Variants in CTPS2 observed in about 807,000 individuals in gnomAD.
CTPS2 encodes CTP synthase II.
Under a neutral mutation model 46.8 loss-of-function variants are expected in CTPS2, and 19 were observed. That is an observed-to-expected ratio of 0.41 (90% CI 0.28 to 0.60). The LOEUF is 0.60. CTPS2 is among the 20% of genes least tolerant of loss of function. The probability of loss-of-function intolerance (pLI) is 0.35; values close to 1 mark genes in which losing one functional copy is unlikely to be tolerated. For synonymous variants in CTPS2, 151 were observed against 165.2 expected, an observed-to-expected ratio of 0.91 and a Z score of 0.66; for missense variants, 286 against 447.6, an observed-to-expected ratio of 0.64 and a Z score of 3.26.
At chrX:16,611,089 C>G (rs759858136) in intron 16 of CTPS2, among the ~76,000 whole-genome samples, 41 of 111,415 alleles carry the variant, frequency 3.7e-4, no homozygotes, top group Non-Finnish European at 3.8e-5. Context: ...GTTGGGTACT[C>G]TAGTCAGTAC....
intron 13 of CTPS2, among the ~76,000 whole-genome samples, chrX:16,642,378 C>T: frequency 9.0e-6 from 1 of 111,643 alleles, no homozygotes. Context: ...AAATGTTGCC[C>T]TGAACATCAG....
intron 8 of CTPS2, among the ~76,000 whole-genome samples, chrX:16,689,188 C>T (rs984354425): frequency 1.6e-4 from 18 of 112,174 alleles, no homozygotes; most frequent in Non-Finnish European, 3.0e-4. Context: ...CAGAATCCTT[C>T]CAGAGCTAAA....
chrX:16,621,595 ACGCAGATCC>A (rs1342462419), intron 14 of CTPS2, among the ~76,000 whole-genome samples: 1 of 109,956 alleles, frequency 9.1e-6, no homozygotes, highest in Non-Finnish European at 1.9e-5. Flanking sequence ...AGCCCTCAAA[ACGCAGATCC>A]CAGGTACACA....
chrX:16,694,006 A>C (rs6629172), intron 4 of CTPS2, among the ~76,000 whole-genome samples: 1 of 109,242 alleles, frequency 9.2e-6, no homozygotes, highest in Non-Finnish European at 1.9e-5. Flanking sequence ...TCTACTAAAA[A>C]TACAAAAATT....
At chrX:16,622,385 T>C (rs1369604850) in intron 14 of CTPS2, among the ~76,000 whole-genome samples, 1 of 105,059 alleles carries the variant, frequency 9.5e-6, no homozygotes, top group Non-Finnish European at 1.9e-5. Flanking sequence ...CTGCCAACCT[T>C]GGTGACAGAG....
At chrX:16,663,983 G>C (rs189934439) in intron 13 of CTPS2, among the ~76,000 whole-genome samples, 3,048 of 110,457 alleles carry the variant, frequency 0.028, 79 homozygotes, top group African/African-American at 0.084. Context: ...CTACAGGCGC[G>C]TGCCACCACG....
intron 10 of CTPS2, among the ~76,000 whole-genome samples, chrX:16,673,549 T>G (rs1413458857): frequency 9.1e-6 from 1 of 110,376 alleles, no homozygotes; most frequent in Non-Finnish European, 1.9e-5. Context: ...ATCTTCTTTC[T>G]GTCTGTGCAT....
intron 14 of CTPS2, among the ~76,000 whole-genome samples, chrX:16,636,748 C>T (rs1214841246): frequency 9.1e-6 from 1 of 109,969 alleles, no homozygotes; most frequent in Non-Finnish European, 1.9e-5. Flanking sequence ...CACGGTGAAA[C>T]CCCATCTCTA....
intron 17 of CTPS2, among the ~76,000 whole-genome samples, chrX:16,604,170 G>A (rs1164388165): frequency 9.0e-6 from 1 of 111,718 alleles, no homozygotes; most frequent in Admixed American, 9.5e-5. Context: ...TGATTTATCT[G>A]CACAAGAGAC....
At chrX:16,697,996 A>G (rs1924257111) in intron 4 of CTPS2, among the ~76,000 whole-genome samples, 1 of 110,846 alleles carries the variant, frequency 9.0e-6, no homozygotes, top group Admixed American at 9.7e-5. Flanking sequence ...CAGTCTCCAC[A>G]AGCAGATCAC....
At chrX:16,660,035 T>C (rs1160423374) in intron 13 of CTPS2, among the ~76,000 whole-genome samples, 1 of 112,156 alleles carries the variant, frequency 8.9e-6, no homozygotes. Context: ...TGCAGATACC[T>C]CTTGAACACA....
chrX:16,652,840 C>T (rs114950278), intron 13 of CTPS2, among the ~76,000 whole-genome samples: 4,757 of 111,407 alleles, frequency 0.043, 270 homozygotes, highest in African/African-American at 0.15. Flanking sequence ...ATATCATCAC[C>T]ATGCATGGTT....
intron 7 of CTPS2, among the ~76,000 whole-genome samples, chrX:16,689,920 C>T (rs773666768): frequency 1.0e-4 from 11 of 110,449 alleles, no homozygotes; most frequent in Non-Finnish European, 2.1e-4. Flanking sequence ...GGCATGGTGA[C>T]ATGTGCCTAT....
At position 16,634,776 on chromosome X, in the gene CTPS2, C is replaced by T. The variant is rs377185752; in HGVS notation, c.1393+4371G>A. On this transcript the variant is annotated intron_variant, in intron 14 of 18. Transcript: ENST00000359276. ...CTAGCCTGGCCAAGGTGGTGAAACC[C>T]CACATCAAATAAAATACAAAAAATT... Among the ~76,000 whole-genome samples, 8 of 110,867 alleles carry T rather than the reference C, an allele frequency of 7.2e-5. 1 individual carries two copies. Among genetic ancestry groups the T allele is most frequent in the Admixed American group, 2.9e-4 (3 of 10,425 alleles).
Position 16,639,213 on chromosome X carries a change from T to C in CTPS2, c.1327A>G (p.Asn443Asp). 1 of 1,209,224 alleles carries C rather than the reference T, an allele frequency of 8.3e-7. No homozygotes were observed. The highest frequency in any genetic ancestry group is 1.1e-6 in the Non-Finnish European group (1 of 893,179). ...CCCAGTCTCATTGTTCCTCCCAAAT[T>C]GCCAGGGTTGTGCTCGGGCATATCA... is the stretch of plus-strand genomic sequence containing the variant. The part of the protein sequence containing the change: ...VIDMPEHNPG[N>D]LGGTMRLGIR... Residue 443 changes from asparagine (N) to aspartate (D), a missense_variant, in exon 14 of 19, where the codon AAT becomes GAT. Physicochemically the swap from Asn to Asp is conservative, Grantham distance 23. Coordinates refer to ENST00000359276, the MANE Select transcript of CTPS2 (RefSeq NM_175859.3).
intron 13 of CTPS2, among the ~76,000 whole-genome samples, chrX:16,648,010 G>T (rs1430187461): frequency 9.0e-6 from 1 of 111,493 alleles, no homozygotes; most frequent in Non-Finnish European, 1.9e-5. Context: ...GCTGAGGTAG[G>T]AGGATCACCT....
chrX:16,677,935 G>A (rs757418422), intron 10 of CTPS2, among the ~76,000 whole-genome samples: 3 of 111,996 alleles, frequency 2.7e-5, no homozygotes, highest in South Asian at 7.5e-4. Context: ...GGGCTGCTCT[G>A]CTTGTGGAGT....
At chrX:16,669,463 T>A (rs1442812911) in intron 11 of CTPS2, among the ~76,000 whole-genome samples, 1 of 109,455 alleles carries the variant, frequency 9.1e-6, no homozygotes, top group Non-Finnish European at 1.9e-5. Flanking sequence ...AAGTTCCATA[T>A]GGCTGGGACA....
At chrX:16,666,931 T>C (rs1472261763) in intron 13 of CTPS2, among the ~76,000 whole-genome samples, 1 of 111,390 alleles carries the variant, frequency 9.0e-6, no homozygotes, top group Non-Finnish European at 1.9e-5. Flanking sequence ...GTAGATGTTA[T>C]AAATTGTTGT....
Sources: gnomAD v4.1 joint callset for allele counts (sites outside exome capture counted in the v4.1 genomes callset) on GRCh38, gnomAD v4.1.1 for gene constraint, MANE v1.5 for transcripts, NCBI Gene and HGNC (gene_info 2026-07-23, HGNC 2026-07-21) for gene names.